The following REC114 variants were observed in gnomAD, a reference collection of about 807,000 sequenced individuals.
The protein encoded by REC114 is REC114 meiotic recombination protein.
Under a neutral mutation model 31.3 loss-of-function variants are expected in REC114, and 27 were observed. The ratio of observed to expected loss-of-function variants is 0.86; its 90% CI spans 0.64 to 1.19. REC114 has a LOEUF of 1.19. Ranked by LOEUF, REC114 falls within the 50% of genes most tolerant of loss-of-function variation. REC114 has a pLI of 0.00. For synonymous variants in REC114, 134 were observed against 127.7 expected, an observed-to-expected ratio of 1.05 and a Z score of -0.33; for missense variants, 344 against 326.9, an observed-to-expected ratio of 1.05 and a Z score of -0.40.
At chr15:73,557,631 A>C (rs1326805124) in intron 5 of REC114, among the ~76,000 whole-genome samples, 2 of 152,210 alleles carry the variant, frequency 1.3e-5, no homozygotes, top group African/African-American at 4.8e-5. Context: ...GGCTAACTGA[A>C]TCAGAGAAGC....
At chr15:73,500,294 A>T (rs1893585772) in intron 2 of REC114, among the ~76,000 whole-genome samples, 1 of 149,148 alleles carries the variant, frequency 6.7e-6, no homozygotes, top group Non-Finnish European at 1.5e-5. Flanking sequence ...GAAAGTAATA[A>T]CCTCTTATCT....
At chr15:73,547,247 A>G (rs1489941415) in intron 3 of REC114, among the ~76,000 whole-genome samples, 2 of 152,232 alleles carry the variant, frequency 1.3e-5, no homozygotes. Context: ...AAAAGATTTG[A>G]ATAGACATTT....
At chr15:73,470,611 C>CG (rs1045096950) in intron 1 of REC114, among the ~76,000 whole-genome samples, 2 of 151,568 alleles carry the variant, frequency 1.3e-5, no homozygotes, top group African/African-American at 2.4e-5. Context: ...GTGTCCAAAA[C>CG]GGGGAAAAAA....
chr15:73,509,307 ATTTG>A (rs1251889802), intron 2 of REC114, among the ~76,000 whole-genome samples: 1 of 143,970 alleles, frequency 6.9e-6, no homozygotes, highest in Non-Finnish European at 1.5e-5. Flanking sequence ...TTTCTTGTAA[ATTTG>A]TTTGAGTTCA....
chr15:73,448,360 T>TA (rs1892797537), intron 1 of REC114, among the ~76,000 whole-genome samples: 2 of 152,220 alleles, frequency 1.3e-5, no homozygotes, highest in South Asian at 4.2e-4. Flanking sequence ...GTTTTACCCT[T>TA]ACAGTGTAAA....
intron 3 of REC114, among the ~76,000 whole-genome samples, chr15:73,541,149 C>T (rs565708120): frequency 1.1e-4 from 16 of 152,188 alleles, no homozygotes; most frequent in East Asian, 3.9e-4. Flanking sequence ...GAGAGTTAGA[C>T]GATTATCTAG....
intron 2 of REC114, among the ~76,000 whole-genome samples, chr15:73,509,790 C>A (rs1335639549): frequency 6.6e-6 from 1 of 151,612 alleles, no homozygotes; most frequent in African/African-American, 2.4e-5. Flanking sequence ...TGTTCTGTTC[C>A]ATTGATCTAT....
intron 2 of REC114, among the ~76,000 whole-genome samples, chr15:73,535,832 A>G (rs1008172438): frequency 2.0e-5 from 3 of 151,954 alleles, no homozygotes; most frequent in African/African-American, 7.3e-5. Context: ...ACAGAGATAT[A>G]GATCAATGGA....
intron 1 of REC114, among the ~76,000 whole-genome samples, chr15:73,456,849 T>C (rs981826313): frequency 3.9e-5 from 6 of 152,152 alleles, no homozygotes; most frequent in Non-Finnish European, 7.4e-5. Flanking sequence ...TAATATCTTA[T>C]ATGGAATGTA....
intron 2 of REC114, among the ~76,000 whole-genome samples, chr15:73,489,765 C>T (rs1427000907): frequency 6.6e-6 from 1 of 151,004 alleles, no homozygotes; most frequent in African/African-American, 2.4e-5. Context: ...AAAAACAAAA[C>T]TCAACTCTCT....
intron 2 of REC114, among the ~76,000 whole-genome samples, chr15:73,525,673 T>C (rs1240747666): frequency 6.6e-6 from 1 of 152,164 alleles, no homozygotes; most frequent in Non-Finnish European, 1.5e-5. Flanking sequence ...ATTTAATTCT[T>C]TTATGACCAG....
At chr15:73,524,062 A>AT (rs1042425671) in intron 2 of REC114, among the ~76,000 whole-genome samples, 6 of 152,114 alleles carry the variant, frequency 3.9e-5, no homozygotes, top group East Asian at 1.9e-4. Context: ...CAAGGATTTC[A>AT]TTTTTTTTGC....
At chr15:73,531,900 C>A (rs1380515269) in intron 2 of REC114, among the ~76,000 whole-genome samples, 10 of 152,040 alleles carry the variant, frequency 6.6e-5, no homozygotes, top group Non-Finnish European at 1.5e-5. Context: ...TTCCACATTA[C>A]TCTGTCCTGG....
At chr15:73,510,397 A>G (rs1445618385) in intron 2 of REC114, among the ~76,000 whole-genome samples, 1 of 152,044 alleles carries the variant, frequency 6.6e-6, no homozygotes, top group African/African-American at 2.4e-5. Context: ...AACAGGGACA[A>G]TTTGGCTTCC....
intron 2 of REC114, among the ~76,000 whole-genome samples, chr15:73,531,836 A>G (rs150818976): frequency 1.3e-3 from 194 of 152,236 alleles, no homozygotes; most frequent in South Asian, 2.9e-3. Context: ...ATCCCTGTGC[A>G]TCACCTGACA....
chr15:73,525,269 CT>C (rs900187111), intron 2 of REC114, among the ~76,000 whole-genome samples: 1 of 152,230 alleles, frequency 6.6e-6, no homozygotes, highest in East Asian at 1.9e-4. Context: ...TGTCTTCTCA[CT>C]TTTTATTCTT....
At chr15:73,538,150 T>G (rs1894184544) in intron 2 of REC114, among the ~76,000 whole-genome samples, 1 of 152,216 alleles carries the variant, frequency 6.6e-6, no homozygotes, top group African/African-American at 2.4e-5. Flanking sequence ...TGAACAATAT[T>G]TTCCTATTAA....
intron 2 of REC114, among the ~76,000 whole-genome samples, chr15:73,529,313 A>ATT (rs976426508): frequency 2.0e-5 from 3 of 151,502 alleles, no homozygotes; most frequent in Admixed American, 6.6e-5. Flanking sequence ...AATTTTTTGT[A>ATT]TTTTTTAGTA....
rs1219264717 is a variant in REC114, at chr15:73,481,904, C to G, written c.249+7983C>G. Among the ~76,000 whole-genome samples the G allele has an allele frequency of 3.3e-5, 5 of 151,902 alleles. No homozygotes were observed. The South Asian group carries it at 1.0e-3, about 32-fold the overall frequency. ...TCAAACTCCTGAGCTTGTGATCTGCCCACCTCGGCCTCCCAAAGTGCTGGG... is the reference window on the plus strand; with the variant it reads ...TCAAACTCCTGAGCTTGTGATCTGCGCACCTCGGCCTCCCAAAGTGCTGGG... On this transcript the variant is annotated intron_variant, in intron 2 of 5. Coordinates refer to ENST00000331090, the MANE Select transcript of REC114 (RefSeq NM_001042367.2).
Sources: allele counts gnomAD v4.1 joint callset (sites outside exome capture counted in the v4.1 genomes callset), GRCh38; gene constraint gnomAD v4.1.1; transcripts MANE v1.5; gene names NCBI Gene and HGNC (gene_info 2026-07-23, HGNC 2026-07-21).